The following CTCF variants were observed in gnomAD, a reference collection of about 807,000 sequenced individuals.
CTCF encodes CCCTC-binding factor, also known as transcriptional repressor CTCF.
In CTCF, 7 loss-of-function variants were observed where a neutral mutation model predicts 72.3. The observed-to-expected ratio is 0.10, with a 90% CI of 0.06 to 0.18. The LOEUF (loss-of-function observed/expected upper bound fraction) is 0.18. Ranked by LOEUF, CTCF falls within the 10% of genes least tolerant of loss-of-function variation. The probability of loss-of-function intolerance (pLI) is 1.00; values close to 1 mark genes in which losing one functional copy is unlikely to be tolerated. For missense variants in CTCF, 516 were observed against 949.1 expected (o/e 0.54, Z 6.00); for synonymous variants, 374 against 315.8 (o/e 1.18, Z -1.95).
chr16:67,624,287 C>A (rs1289773484), intron 7 of CTCF, among the ~76,000 whole-genome samples: 1 of 151,864 alleles, frequency 6.6e-6, no homozygotes, highest in Non-Finnish European at 1.5e-5. Flanking sequence ...TCTTCTCCCC[C>A]TCATCTTTCC....
rs543955059 is a variant in CTCF at position 67,605,816 on chromosome 16, G to A, written c.-9-5008G>A. Among the ~76,000 whole-genome samples, 12 of 152,316 alleles carry A rather than the reference G, an allele frequency of 7.9e-5. 1 individual carries two copies. In the South Asian group the frequency reaches 2.5e-3, roughly 32 times the overall value. ...AGGAGTGGATCAGACGTAAAGTACAGAGTGAAGACAGGGAGATGACAGTAG... is the reference window on the plus strand; with the variant it reads ...AGGAGTGGATCAGACGTAAAGTACAAAGTGAAGACAGGGAGATGACAGTAG... On this transcript the variant is annotated intron_variant, in intron 2 of 11. Transcript: ENST00000264010.
intron 1 of CTCF, chr16:67,568,439 A>G (rs1044657159): frequency 6.6e-6 from 1 of 151,988 alleles, no homozygotes; most frequent in Non-Finnish European, 1.5e-5. Flanking sequence ...CCCAGGCTGG[A>G]GTGCAGTGGT....
At chr16:67,581,639 GATTACAGTCGTGCACC>G (rs1033115137) in intron 2 of CTCF, among the ~76,000 whole-genome samples, 11 of 152,058 alleles carry the variant, frequency 7.2e-5, no homozygotes, top group African/African-American at 2.4e-4. Flanking sequence ...GAGTAGATGG[GATTACAGTCGTGCACC>G]ACCACACCCG....
At chr16:67,618,411 T>A (rs763477604) in intron 5 of CTCF, among the ~76,000 whole-genome samples, 1 of 152,128 alleles carries the variant, frequency 6.6e-6, no homozygotes, top group Non-Finnish European at 1.5e-5. Flanking sequence ...AAAAAAATTT[T>A]AAACAGCATA....
At chr16:67,591,961 G>T (rs916146482) in intron 2 of CTCF, among the ~76,000 whole-genome samples, 10 of 151,836 alleles carry the variant, frequency 6.6e-5, no homozygotes, top group Admixed American at 6.6e-4. Flanking sequence ...GATTCTCTTG[G>T]CTCTGCCTCC....
intron 2 of CTCF, among the ~76,000 whole-genome samples, chr16:67,604,128 CAAAAAAAA>C (rs762004795): frequency 3.5e-5 from 2 of 57,530 alleles, no homozygotes; most frequent in Admixed American, 3.9e-4. Flanking sequence ...AACCCCGTCT[CAAAAAAAA>C]AAAAAAAAAG....
intron 2 of CTCF, among the ~76,000 whole-genome samples, chr16:67,586,372 T>TA (rs1182963555): frequency 2.0e-5 from 3 of 152,086 alleles, no homozygotes; most frequent in African/African-American, 4.8e-5. Context: ...CTGTCTCTAC[T>TA]AAAAATACAA....
chr16:67,632,275 G>A (rs1163452820), intron 10 of CTCF, among the ~76,000 whole-genome samples: 1 of 152,252 alleles, frequency 6.6e-6, no homozygotes, highest in East Asian at 1.9e-4. Flanking sequence ...GTTCACTTCT[G>A]TGGTTCATCT....
intron 3 of CTCF, among the ~76,000 whole-genome samples, 153 bp downstream of exon 3, chr16:67,611,766 C>G (rs2052065805): frequency 6.6e-6 from 1 of 151,990 alleles, no homozygotes; most frequent in Admixed American, 6.6e-5. Flanking sequence ...AAGTTTTTTC[C>G]AGATTGAATG....
intron 1 of CTCF, chr16:67,563,354 G>C (rs1238594167): frequency 1.3e-5 from 2 of 151,750 alleles, no homozygotes; most frequent in Non-Finnish European, 2.9e-5. Flanking sequence ...CCCAGTCCGC[G>C]CGTCGCCGCC....
At chr16:67,576,038 G>A (rs554926750) in intron 2 of CTCF, among the ~76,000 whole-genome samples, 82 of 147,658 alleles carry the variant, frequency 5.6e-4, no homozygotes, top group African/African-American at 1.8e-3. Context: ...GTGCACACCT[G>A]TAGTCTCAGC....
chr16:67,621,115 A>C lies in CTCF; in HGVS notation c.1207+298A>C. 8.2e-6 allele frequency: 3 copies of C among 363,740 alleles called. No individual in the cohort carries two copies. In the East Asian group the frequency reaches 1.2e-4, roughly 15 times the overall value. 22.5% of individuals were successfully genotyped at this position (363,740 alleles called of 1,614,324 possible). A position where few individuals can be genotyped will look rare whatever the true frequency, so the allele number is the denominator to read the frequency against. Reference sequence around the variant, plus strand: ...TTTAAAAGTCTGGGTAGATTTCCTAACCTACCTTATTCAGTTTTCCTGGAT... The same window carrying C: ...TTTAAAAGTCTGGGTAGATTTCCTACCCTACCTTATTCAGTTTTCCTGGAT... On this transcript the variant is annotated intron_variant, in intron 6 of 11. Coordinates refer to ENST00000264010, the MANE Select transcript of CTCF (RefSeq NM_006565.4).
intron 2 of CTCF, among the ~76,000 whole-genome samples, chr16:67,590,174 C>G (rs550878246): frequency 6.6e-6 from 1 of 151,032 alleles, no homozygotes; most frequent in African/African-American, 2.4e-5. Context: ...CACCTTTTGG[C>G]GAAAGAATTA....
intron 1 of CTCF, chr16:67,564,011 A>G (rs1463472977): frequency 1.3e-5 from 2 of 152,190 alleles, no homozygotes; most frequent in African/African-American, 2.4e-5. Flanking sequence ...GCCTAATGTA[A>G]CTACTGTTTA....
At chr16:67,620,472 A>G (rs1274424150) in intron 5 of CTCF, among the ~76,000 whole-genome samples, 6 of 152,104 alleles carry the variant, frequency 3.9e-5, no homozygotes, top group African/African-American at 7.2e-5. Context: ...GTAATGACCA[A>G]TCTTGGCTTA....
rs551956153 is a variant in CTCF at position 67,589,261 on chromosome 16, C to T, written c.-10+17997C>T. Among the ~76,000 whole-genome samples the T allele has an allele frequency of 7.9e-5, 12 of 152,176 alleles. No individual in the cohort carries two copies. The South Asian group carries it at 1.0e-3, about 13-fold the overall frequency. On this transcript the variant is annotated intron_variant, in intron 2 of 11. Transcript: ENST00000264010. ...GTGGCAAGCTACGATTACACTACTG[C>T]GCTCACTCCAGTCTGGGAGACAGAG...
chr16:67,593,596 A>G (rs1447722166), intron 2 of CTCF, among the ~76,000 whole-genome samples: 5 of 151,986 alleles, frequency 3.3e-5, no homozygotes, highest in Non-Finnish European at 4.4e-5. Context: ...CTGTTAGGCC[A>G]TTTGTTAGGT....
At chr16:67,563,684 A>C (rs1439578599) in intron 1 of CTCF, 3 of 152,238 alleles carry the variant, frequency 2.0e-5, no homozygotes, top group African/African-American at 7.2e-5. Context: ...GCGCTCAGAG[A>C]TCTCAAAGGG....
chr16:67,631,811 G>A lies in CTCF; in HGVS notation c.1837+2278G>A, dbSNP rs768832417. Among the ~76,000 whole-genome samples, 20 of 150,990 alleles carry A rather than the reference G, an allele frequency of 1.3e-4. No individual in the cohort carries two copies. The Admixed American group carries it at 1.3e-3, about 10-fold the overall frequency. On this transcript the variant is annotated intron_variant, in intron 10 of 11. Coordinates refer to ENST00000264010, the MANE Select transcript of CTCF (RefSeq NM_006565.4). ...TTTGCAGCTGGTCATGGTGGCTCAC[G>A]CCTGTAATCCCAGCACTTCGGTAGG... is the stretch of plus-strand genomic sequence containing the variant.
Sources: gnomAD v4.1 joint callset for allele counts (sites outside exome capture counted in the v4.1 genomes callset) on GRCh38, gnomAD v4.1.1 for gene constraint, MANE v1.5 for transcripts, NCBI Gene and HGNC (gene_info 2026-07-23, HGNC 2026-07-21) for gene names.